Variants in MEGF11 observed in about 807,000 individuals in gnomAD.
The protein encoded by MEGF11 is multiple EGF like domains 11.
Under a neutral mutation model 146.6 loss-of-function variants are expected in MEGF11, and 126 were observed. The observed-to-expected ratio is 0.86, with a 90% CI of 0.74 to 1.00. MEGF11 has a LOEUF of 1.00. MEGF11 is among the 50% of genes least tolerant of loss of function. The pLI, the probability that MEGF11 is intolerant of heterozygous loss-of-function variation, is 0.00. For synonymous variants in MEGF11, 532 were observed against 583.4 expected (o/e 0.91, Z 1.27); for missense variants, 1,509 against 1,521.2 (o/e 0.99, Z 0.13).
At chr15:66,020,710 CGGCCGGGCGCAGT>C (rs1157492599) in intron 5 of MEGF11, among the ~76,000 whole-genome samples, 1 of 151,988 alleles carries the variant, frequency 6.6e-6, no homozygotes, top group East Asian at 1.9e-4. Flanking sequence ...ATTACAGTGC[CGGCCGGGCGCAGT>C]GGCTCACGCC....
chr15:66,207,095 G>T (rs1172966282), intron 1 of MEGF11, among the ~76,000 whole-genome samples: 1 of 152,002 alleles, frequency 6.6e-6, no homozygotes, highest in Non-Finnish European at 1.5e-5. Flanking sequence ...CACATAATGG[G>T]AGTCCCAAAA....
intron 1 of MEGF11, among the ~76,000 whole-genome samples, chr15:66,186,189 G>C (rs1449288608): frequency 6.6e-6 from 1 of 152,204 alleles, no homozygotes; most frequent in South Asian, 2.1e-4. Flanking sequence ...AAAAGAGGAG[G>C]AATTTAACAG....
intron 1 of MEGF11, among the ~76,000 whole-genome samples, chr15:66,197,615 G>C (rs1366689794): frequency 6.6e-6 from 1 of 152,094 alleles, no homozygotes; most frequent in East Asian, 1.9e-4. Context: ...GTAGATACGG[G>C]GTTTCACCAT....
intron 5 of MEGF11, among the ~76,000 whole-genome samples, chr15:66,032,038 G>A (rs932541042): frequency 1.3e-5 from 2 of 152,206 alleles, no homozygotes; most frequent in African/African-American, 2.4e-5. Context: ...GTGCCTGCGA[G>A]GGATCTAGGT....
chr15:66,125,110 A>G (rs551746991), intron 2 of MEGF11, among the ~76,000 whole-genome samples: 10 of 152,278 alleles, frequency 6.6e-5, no homozygotes, highest in African/African-American at 2.4e-4. Flanking sequence ...TGAAAGGTCA[A>G]AGGTCTGGCA....
At chr15:66,098,630 T>A (rs2086651907) in intron 4 of MEGF11, among the ~76,000 whole-genome samples, 1 of 152,042 alleles carries the variant, frequency 6.6e-6, no homozygotes, top group Non-Finnish European at 1.5e-5. Context: ...CCGAACCCAG[T>A]CTCCCCAGTG....
intron 1 of MEGF11, among the ~76,000 whole-genome samples, chr15:66,222,891 G>A (rs190568821): frequency 9.8e-4 from 149 of 152,306 alleles, no homozygotes; most frequent in African/African-American, 3.3e-3. Context: ...CTGCTGGTGG[G>A]AATGTAAAAT....
In MEGF11 at chr15:65,928,470, A is replaced by G; in HGVS notation, c.1630T>C (p.Cys544Arg). The change falls in exon 13 of 26, where the codon TGT becomes CGT. Residue 544 changes from cysteine to arginine, a missense_variant. Transcript: ENST00000395614. ...EHCDCSHADG[C>R]DPVTGHCCCL... ...CAGCAGTGGCCTGTGACGGGGTCACATCCATCAGCATGGCTGCAGTCACAG... is the reference window on the plus strand; with the variant it reads ...CAGCAGTGGCCTGTGACGGGGTCACGTCCATCAGCATGGCTGCAGTCACAG... The G allele has an allele frequency of 6.2e-7, 1 of 1,605,480 alleles. No individual in the cohort carries two copies. The highest frequency in any genetic ancestry group is 8.5e-7 in the Non-Finnish European group (1 of 1,175,072).
chr15:66,199,686 G>A (rs960945809), intron 1 of MEGF11, among the ~76,000 whole-genome samples: 3 of 152,212 alleles, frequency 2.0e-5, no homozygotes, highest in Non-Finnish European at 2.9e-5. Flanking sequence ...CTACTCGGGA[G>A]GCTGAGGCAG....
chr15:66,047,842 T>A (rs532215190), intron 5 of MEGF11, among the ~76,000 whole-genome samples: 4 of 152,128 alleles, frequency 2.6e-5, no homozygotes, highest in Non-Finnish European at 4.4e-5. Context: ...TTGGCCTACA[T>A]GCCCTCCCGT....
intron 24 of MEGF11, chr15:65,902,666 C>G (rs2078523537): frequency 6.6e-6 from 1 of 152,272 alleles, no homozygotes; most frequent in African/African-American, 2.4e-5. Flanking sequence ...AAAGAGGAAG[C>G]ATCAACCCAG....
At chr15:66,036,019 G>A (rs1374324011) in intron 5 of MEGF11, among the ~76,000 whole-genome samples, 2 of 152,242 alleles carry the variant, frequency 1.3e-5, no homozygotes, top group Non-Finnish European at 2.9e-5. Context: ...TCAGTCCAGT[G>A]TCCTTTCTGC....
At chr15:65,962,819 C>G (rs2080910542) in intron 9 of MEGF11, among the ~76,000 whole-genome samples, 1 of 152,112 alleles carries the variant, frequency 6.6e-6, no homozygotes. Flanking sequence ...GGAGACCAGG[C>G]TGGGGAGTAG....
At chr15:66,245,472 A>AG (rs71139477) in intron 1 of MEGF11, among the ~76,000 whole-genome samples, 2 of 2,504 alleles carry the variant, frequency 8.0e-4, no homozygotes, top group Non-Finnish European at 4.4e-3. Flanking sequence ...GTAAAAAAAG[A>AG]AAAAAAAAAA....
At chr15:66,098,825 G>A (rs966663891) in intron 4 of MEGF11, among the ~76,000 whole-genome samples, 6 of 152,208 alleles carry the variant, frequency 3.9e-5, no homozygotes, top group East Asian at 1.9e-4. Context: ...ATGTGTGTAC[G>A]TATTAGTGTG....
chr15:66,180,755 T>C (rs78709176), intron 1 of MEGF11, among the ~76,000 whole-genome samples: 6,817 of 152,310 alleles, frequency 0.045, 221 homozygotes, highest in African/African-American at 0.082. Context: ...GAAAATTAAA[T>C]TCTGGAGCAT....
At chr15:65,951,773 AG>A (rs1421988901) in intron 10 of MEGF11, among the ~76,000 whole-genome samples, 1 of 152,070 alleles carries the variant, frequency 6.6e-6, no homozygotes, top group Non-Finnish European at 1.5e-5. Flanking sequence ...CTAAGATGAG[AG>A]GATTGCTTGG....
intron 10 of MEGF11, among the ~76,000 whole-genome samples, chr15:65,956,913 G>A (rs546849518): frequency 2.6e-5 from 4 of 152,140 alleles, no homozygotes; most frequent in East Asian, 1.9e-4. Flanking sequence ...AATTGGTGGC[G>A]GTGTAGATTT....
rs1567148733 is a variant in MEGF11, at chr15:65,905,957, G to A, written c.3055+128C>T. The A allele has an allele frequency of 7.7e-6, 5 of 650,780 alleles. No homozygotes were observed. In the East Asian group the frequency reaches 1.5e-4, roughly 19 times the overall value. 40.3% of individuals were successfully genotyped at this position (650,780 alleles called of 1,614,324 possible). A position where few individuals can be genotyped will look rare whatever the true frequency, so the allele number is the denominator to read the frequency against. On this transcript the variant is annotated intron_variant, in intron 24 of 25. Coordinates refer to ENST00000395614, the MANE Select transcript of MEGF11 (RefSeq NM_001385028.1). The stretch of plus-strand genomic sequence containing the variant: ...CTACCCAACAGCCCCAGGCCCTGTG[G>A]TCTTTTAACCTTCTGTGGGGGGCAG...
Sources: allele counts gnomAD v4.1 joint callset (sites outside exome capture counted in the v4.1 genomes callset), GRCh38; gene constraint gnomAD v4.1.1; transcripts MANE v1.5; gene names NCBI Gene and HGNC (gene_info 2026-07-23, HGNC 2026-07-21).